UBE2E2: variants seen among roughly 807,000 people sequenced by gnomAD.
UBE2E2 encodes ubiquitin conjugating enzyme E2 E2, also known as ubiquitin-conjugating enzyme E2 E2.
Under a neutral mutation model 24.7 loss-of-function variants are expected in UBE2E2, and 6 were observed. The ratio of observed to expected loss-of-function variants is 0.24; its 90% CI spans 0.13 to 0.48. The LOEUF (loss-of-function observed/expected upper bound fraction) is 0.48. Among genes scored for constraint, UBE2E2 ranks in the 20% least tolerant of loss-of-function variants. The probability of loss-of-function intolerance (pLI) is 0.99; values close to 1 mark genes in which losing one functional copy is unlikely to be tolerated. For missense variants in UBE2E2, 169 were observed against 245.0 expected (o/e 0.69, Z 2.07); for synonymous variants, 104 against 83.6 (o/e 1.24, Z -1.33).
At chr3:23,296,944 A>G (rs935196483) in intron 3 of UBE2E2, among the ~76,000 whole-genome samples, 11 of 152,102 alleles carry the variant, frequency 7.2e-5, no homozygotes, top group East Asian at 1.9e-4. Context: ...AAGTCTTCCT[A>G]TTTCTCCACA....
chr3:23,218,749 C>T (rs1447107211), intron 3 of UBE2E2, among the ~76,000 whole-genome samples: 1 of 151,960 alleles, frequency 6.6e-6, no homozygotes, highest in Non-Finnish European at 1.5e-5. Flanking sequence ...AATCCACATA[C>T]AGTATCATGT....
intron 5 of UBE2E2, among the ~76,000 whole-genome samples, chr3:23,541,557 G>A (rs1384414522): frequency 3.3e-5 from 5 of 152,182 alleles, no homozygotes; most frequent in Admixed American, 6.5e-5. Context: ...GAGCAGGTCT[G>A]TTCCTGGAAA....
intron 3 of UBE2E2, chr3:23,323,540 G>A (rs1404229489): frequency 2.2e-6 from 1 of 452,200 alleles, no homozygotes; most frequent in Non-Finnish European, 4.4e-6. Context: ...GAAAGGAAAT[G>A]CTCATTCAAT....
At chr3:23,422,369 A>G (rs1404678610) in intron 3 of UBE2E2, among the ~76,000 whole-genome samples, 2 of 152,202 alleles carry the variant, frequency 1.3e-5, no homozygotes. Flanking sequence ...AGAATGCCCC[A>G]TCTGAAGGAA....
intron 4 of UBE2E2, among the ~76,000 whole-genome samples, chr3:23,506,816 A>G (rs1477493027): frequency 1.3e-5 from 2 of 152,148 alleles, no homozygotes; most frequent in Non-Finnish European, 2.9e-5. Flanking sequence ...TATTTTTGAT[A>G]GAAATGGGGT....
At chr3:23,452,983 G>C (rs1698598993) in intron 3 of UBE2E2, among the ~76,000 whole-genome samples, 1 of 152,086 alleles carries the variant, frequency 6.6e-6, no homozygotes. Context: ...TTTCCCATAA[G>C]TGCACTAATA....
At chr3:23,406,828 C>T (rs905231421) in intron 3 of UBE2E2, among the ~76,000 whole-genome samples, 6 of 152,170 alleles carry the variant, frequency 3.9e-5, no homozygotes, top group African/African-American at 1.4e-4. Flanking sequence ...CTTTAAAATT[C>T]AGCCAGCAAC....
chr3:23,440,788 A>C (rs1698287209), intron 3 of UBE2E2, among the ~76,000 whole-genome samples: 1 of 150,588 alleles, frequency 6.6e-6, no homozygotes, highest in African/African-American at 2.4e-5. Context: ...CTTGGATTTA[A>C]AAAAAAAGAA....
intron 3 of UBE2E2, among the ~76,000 whole-genome samples, chr3:23,277,990 T>G (rs549371625): frequency 1.4e-4 from 22 of 152,160 alleles, no homozygotes; most frequent in Admixed American, 2.6e-4. Context: ...GTTCTAAAGC[T>G]ATTAAACTAA....
chr3:23,490,336 CTT>C (rs1331648100), intron 3 of UBE2E2, among the ~76,000 whole-genome samples: 3 of 152,170 alleles, frequency 2.0e-5, no homozygotes, highest in African/African-American at 4.8e-5. Flanking sequence ...AAAAGTAAGA[CTT>C]AGTTCTTGTT....
chr3:23,500,504 G>C (rs917973691), intron 4 of UBE2E2, among the ~76,000 whole-genome samples: 10 of 152,078 alleles, frequency 6.6e-5, no homozygotes, highest in Non-Finnish European at 1.3e-4. Context: ...ATTAGCATTT[G>C]TTCTCCACTA....
chr3:23,309,249 A>G (rs1181378954), intron 3 of UBE2E2, among the ~76,000 whole-genome samples: 1 of 152,116 alleles, frequency 6.6e-6, no homozygotes, highest in Non-Finnish European at 1.5e-5. Context: ...ACATCCTCAT[A>G]GACACACCCA....
At chr3:23,240,886 G>A (rs1006500980) in intron 3 of UBE2E2, among the ~76,000 whole-genome samples, 1 of 151,992 alleles carries the variant, frequency 6.6e-6, no homozygotes, top group Admixed American at 6.6e-5. Context: ...GGTTAATAAC[G>A]GTGAAAATTT....
At chr3:23,375,344 C>T (rs190161534) in intron 3 of UBE2E2, among the ~76,000 whole-genome samples, 44 of 152,298 alleles carry the variant, frequency 2.9e-4, no homozygotes, top group African/African-American at 1.1e-3. Flanking sequence ...TTTTAACTTA[C>T]TATGAGAATG....
rs562640147 is a variant in UBE2E2 at position 23,312,177 on chromosome 3, C to A, written c.227+94865C>A. ...ATTGGAAGCCTCCTGAGGCCTCCCC[C>A]CAAAAAAAAGCTGCTGTGCTTCCTG... On this transcript the variant is annotated intron_variant, in intron 3 of 5. Coordinates refer to ENST00000396703, the MANE Select transcript of UBE2E2 (RefSeq NM_152653.4). 1.2e-4 allele frequency among the ~76,000 whole-genome samples: 18 copies of A among 152,132 alleles called. No homozygotes were observed. The South Asian group carries it at 2.1e-3, about 18-fold the overall frequency.
At chr3:23,500,421 T>C (rs1177003961) in intron 4 of UBE2E2, among the ~76,000 whole-genome samples, 7 of 152,240 alleles carry the variant, frequency 4.6e-5, no homozygotes, top group Admixed American at 1.3e-4. Flanking sequence ...TTATATACTT[T>C]AGAAAGTCTT....
intron 5 of UBE2E2, among the ~76,000 whole-genome samples, chr3:23,563,779 C>T (rs1215967137): frequency 6.6e-6 from 1 of 151,990 alleles, no homozygotes; most frequent in Non-Finnish European, 1.5e-5. Context: ...TTAAAAGGAT[C>T]ATTTATTCTA....
chr3:23,573,379 A>T (rs1189300038), intron 5 of UBE2E2, among the ~76,000 whole-genome samples: 3 of 152,198 alleles, frequency 2.0e-5, no homozygotes, highest in Non-Finnish European at 4.4e-5. Flanking sequence ...TAAATTTTTT[A>T]AATTTATATT....
At position 23,499,626 on chromosome 3, in the gene UBE2E2, C is replaced by T. The variant is rs1575669009; in HGVS notation, c.246C>T (p.Asp82=). The part of the protein sequence containing the change: ...PPNCSAGPKG[D]NIYEWRSTIL... The stretch of plus-strand genomic sequence containing the variant: ...ATTTCAGTGCTGGACCCAAAGGAGA[C>T]AACATTTATGAATGGAGGTCAACTA... The change falls in exon 4 of 6, where the codon GAC becomes GAT. Residue 82 remains aspartate, a synonymous_variant. Coordinates refer to ENST00000396703, the MANE Select transcript of UBE2E2 (RefSeq NM_152653.4). 2 of 1,613,420 alleles carry T rather than the reference C, an allele frequency of 1.2e-6. No individual in the cohort carries two copies. Among genetic ancestry groups the T allele is most frequent in the Non-Finnish European group, 1.7e-6 (2 of 1,179,730 alleles).
Sources: gnomAD v4.1 joint callset for allele counts (sites outside exome capture counted in the v4.1 genomes callset) on GRCh38, gnomAD v4.1.1 for gene constraint, MANE v1.5 for transcripts, NCBI Gene and HGNC (gene_info 2026-07-23, HGNC 2026-07-21) for gene names.